The following INPP5A variants were observed in gnomAD, a reference collection of about 807,000 sequenced individuals.
The protein encoded by INPP5A is inositol polyphosphate-5-phosphatase A, also known as 43 kDa inositol polyphosphate 5-phophatase.
A neutral mutation model predicts 65.2 loss-of-function variants in INPP5A; 14 were observed. The ratio of observed to expected loss-of-function variants is 0.21; its 90% confidence interval spans 0.14 to 0.34. The LOEUF (loss-of-function observed/expected upper bound fraction) is 0.34. Among genes scored for constraint, INPP5A ranks in the 10% least tolerant of loss-of-function variants. The pLI is 1.00. For synonymous variants in INPP5A, 207 were observed against 208.3 expected (o/e 0.99, Z 0.05); for missense variants, 431 against 545.6 (o/e 0.79, Z 2.09).
chr10:132,777,929 G>C, intron 13 of INPP5A, 147 bp downstream of exon 13: 8 of 1,478,552 alleles, frequency 5.4e-6, no homozygotes, highest in Non-Finnish European at 6.3e-6. Flanking sequence ...GTGCTGCCAT[G>C]AGCTGCACCC....
intron 1 of INPP5A, among the ~76,000 whole-genome samples, chr10:132,579,548 G>A (rs1267955018): frequency 6.6e-6 from 1 of 152,132 alleles, no homozygotes; most frequent in African/African-American, 2.4e-5. Flanking sequence ...GATGCTTGCT[G>A]TGGGCCAGGG....
Position 132,678,572 on chromosome 10 carries a change from G to T in INPP5A, c.307-11820G>T, listed in dbSNP as rs2073001917. ...TGTCCAGCGGTCCTGAGCTGCTGCT[G>T]CTCAGCCGGGCGCCCAGAGGGTGTG... On this transcript the variant is annotated intron_variant, in intron 4 of 15. Transcript: ENST00000368594. This position sits in a 1 kb window ranked among gnomAD's most constrained non-coding sequence, Gnocchi z 4.1. Among the ~76,000 whole-genome samples the T allele has an allele frequency of 6.6e-6, 1 of 152,166 alleles. No homozygotes were observed.
At chr10:132,646,895 G>A (rs1343910362) in intron 3 of INPP5A, among the ~76,000 whole-genome samples, 2 of 152,182 alleles carry the variant, frequency 1.3e-5, no homozygotes, top group Non-Finnish European at 2.9e-5. Flanking sequence ...ACCCGGAGTC[G>A]GGACCTGTGG....
chr10:132,595,678 T>A (rs2071677105), intron 1 of INPP5A, among the ~76,000 whole-genome samples: 1 of 152,248 alleles, frequency 6.6e-6, no homozygotes, highest in Non-Finnish European at 1.5e-5. Flanking sequence ...TAAATTTGTT[T>A]TTGATTCCTC....
Position 132,727,775 on chromosome 10 carries a change from C to T in INPP5A, c.732+870C>T, listed in dbSNP as rs76618749. ...GGCCACAGTAAGTTGGATGGGGCCA[C>T]GGTGAGTCAGATGGGGACACGGTAA... is the stretch of plus-strand genomic sequence containing the variant. On this transcript the variant is annotated intron_variant, in intron 9 of 15. Transcript: ENST00000368594. This position sits in a 1 kb window ranked among gnomAD's most constrained non-coding sequence, Gnocchi z 6.5. Among the ~76,000 whole-genome samples the T allele has an allele frequency of 0.041, 6,162 of 152,002 alleles. 188 individuals carry two copies. The highest frequency in any genetic ancestry group is 0.06 in the Non-Finnish European group (4,104 of 67,960).
At position 132,545,005 on chromosome 10, in the gene INPP5A, C is replaced by T. The variant is rs755191736; in HGVS notation, c.75+6834C>T. ...GAAGTAAGCACCCAGATCGACCTGT[C>T]GGGCAGTGTTGGGAGAATGTCTGCA... On this transcript the variant is annotated intron_variant, in intron 1 of 15. Coordinates refer to ENST00000368594, the MANE Select transcript of INPP5A (RefSeq NM_005539.5). This position sits in a 1 kb window ranked among gnomAD's most constrained non-coding sequence, Gnocchi z 4.6. Among the ~76,000 whole-genome samples, 8 of 152,166 alleles carry T rather than the reference C, an allele frequency of 5.3e-5. No homozygotes were observed. Among genetic ancestry groups the T allele is most frequent in the South Asian group, 2.1e-4 (1 of 4,830 alleles).
Position 132,645,897 on chromosome 10 carries a change from G to A in INPP5A, c.147G>A (p.Met49Ile). The A allele has an allele frequency of 6.2e-7, 1 of 1,614,010 alleles. No homozygotes were observed. Among genetic ancestry groups the A allele is most frequent in the Non-Finnish European group, 8.5e-7 (1 of 1,179,948 alleles). ...QVVHTHKPHF[M>I]ALHCQEFGGK... ...TGCACACACACAAGCCGCACTTCAT[G>A]GCCTTGCACTGTCAGGAGTTTGGAG... The change falls in exon 3 of 16, where the codon ATG becomes ATA. Residue 49 changes from methionine to isoleucine, a missense_variant. Physicochemically the swap from Met to Ile is conservative, Grantham distance 10 (BLOSUM62 1). Coordinates refer to ENST00000368594, the MANE Select transcript of INPP5A (RefSeq NM_005539.5).
chr10:132,616,837 A>G lies in INPP5A; in HGVS notation c.117+8881A>G, dbSNP rs2072041173. 6.6e-6 allele frequency among the ~76,000 whole-genome samples: 1 copy of G among 151,668 alleles called. No homozygotes were observed. The highest frequency in any genetic ancestry group is 2.4e-5 in the African/African-American group (1 of 41,166). ...CGAGTGGCACCATGCAGCAGGGAGG[A>G]AGGCCAGCTTCACGCTGCAGGAGCT... On this transcript the variant is annotated intron_variant, in intron 2 of 15. Transcript: ENST00000368594. This position sits in a 1 kb window ranked among gnomAD's most constrained non-coding sequence, Gnocchi z 4.9.
chr10:132,638,108 A>C (rs1207782126), intron 2 of INPP5A, among the ~76,000 whole-genome samples: 1 of 151,982 alleles, frequency 6.6e-6, no homozygotes, highest in Non-Finnish European at 1.5e-5. Context: ...TTTCTCTTTC[A>C]AGTCCCTCTT....
rs990965109 is a variant in INPP5A, at chr10:132,744,757, A to G, written c.733-4760A>G. 2.0e-5 allele frequency among the ~76,000 whole-genome samples: 3 copies of G among 152,180 alleles called. No homozygotes were observed. In the South Asian group the frequency reaches 6.2e-4, roughly 31 times the overall value. ...GAGGACACGGCTCTCAAGGAGAGGAAGAAGTTGTTGGGATTCCCAGGCTTC... is the reference window on the plus strand; with the variant it reads ...GAGGACACGGCTCTCAAGGAGAGGAGGAAGTTGTTGGGATTCCCAGGCTTC... On this transcript the variant is annotated intron_variant, in intron 9 of 15. Coordinates refer to ENST00000368594, the MANE Select transcript of INPP5A (RefSeq NM_005539.5).
intron 2 of INPP5A, among the ~76,000 whole-genome samples, chr10:132,634,480 G>A (rs2072315912): frequency 6.6e-6 from 1 of 152,256 alleles, no homozygotes; most frequent in Non-Finnish European, 1.5e-5. Context: ...TCTGTGTTCT[G>A]CAGGTGTCAG....
intron 9 of INPP5A, among the ~76,000 whole-genome samples, chr10:132,734,896 ATGGAGTGGGTTCAGTCCT>A (rs932719447): frequency 5.9e-5 from 9 of 152,196 alleles, no homozygotes; most frequent in Non-Finnish European, 2.9e-5. Flanking sequence ...TCGGGGCTGA[ATGGAGTGGGTTCAGTCCT>A]TGAGATGGGC....
chr10:132,703,050 C>A (rs994748110), intron 6 of INPP5A, among the ~76,000 whole-genome samples: 7 of 152,156 alleles, frequency 4.6e-5, no homozygotes, highest in African/African-American at 1.7e-4. Context: ...CCCTCCCTCC[C>A]GTTGGGTGCC....
At chr10:132,671,134 ATGGGCATG>A (rs2072884439) in intron 4 of INPP5A, among the ~76,000 whole-genome samples, 1 of 152,066 alleles carries the variant, frequency 6.6e-6, no homozygotes, top group Non-Finnish European at 1.5e-5. Flanking sequence ...GGAGTGAGGC[ATGGGCATG>A]TGGGCACGCC....
intron 2 of INPP5A, among the ~76,000 whole-genome samples, chr10:132,609,534 G>A (rs1341196945): frequency 6.6e-6 from 1 of 152,254 alleles, no homozygotes; most frequent in Non-Finnish European, 1.5e-5. Context: ...GTTTAGGTGT[G>A]TGTGACCGGC....
At chr10:132,560,955 T>G (rs1220730992) in intron 1 of INPP5A, among the ~76,000 whole-genome samples, 1 of 151,974 alleles carries the variant, frequency 6.6e-6, no homozygotes, top group Non-Finnish European at 1.5e-5. Context: ...TTACATATTC[T>G]GGATGCTAGA....
At chr10:132,720,181 C>T (rs1374732070) in intron 8 of INPP5A, among the ~76,000 whole-genome samples, 3 of 150,034 alleles carry the variant, frequency 2.0e-5, no homozygotes, top group East Asian at 2.0e-4. Context: ...TGTCTGGGCA[C>T]CTTAGACGGC....
rs1260258171 is a variant in INPP5A at position 132,753,595 on chromosome 10, G to A, written c.903+3750G>A. Among the ~76,000 whole-genome samples the A allele has an allele frequency of 3.3e-5, 5 of 152,194 alleles. No individual in the cohort carries two copies. ...ATTAATTATAAGTGTAGCTGTCAGG[G>A]CTGCAGGATGGAGTGCCCTGGTGAG... On this transcript the variant is annotated intron_variant, in intron 11 of 15. Coordinates refer to ENST00000368594, the MANE Select transcript of INPP5A (RefSeq NM_005539.5). The surrounding 1 kb of genome is among the most constrained non-coding windows in gnomAD (Gnocchi z 5.3).
intron 4 of INPP5A, among the ~76,000 whole-genome samples, chr10:132,671,384 G>GCCCTCCCTGCTTCGGACTCCA (rs1564957937): frequency 2.0e-5 from 3 of 148,100 alleles, no homozygotes; most frequent in African/African-American, 5.1e-5. Context: ...TTCGGACTCC[G>GCCCTCCCTGCTTCGGACTCCA]CCCTCCCTGC....
Sources: allele counts gnomAD v4.1 joint callset (sites outside exome capture counted in the v4.1 genomes callset), GRCh38; gene constraint gnomAD v4.1.1; non-coding constraint Gnocchi (gnomAD v3.1); transcripts MANE v1.5; gene names NCBI Gene and HGNC (gene_info 2026-07-23, HGNC 2026-07-21).